Variants in VAPA observed in about 807,000 individuals in gnomAD.
VAPA encodes VAMP associated protein A, also known as vesicle-associated membrane protein-associated protein A.
Under a neutral mutation model 25.6 loss-of-function variants are expected in VAPA, and 6 were observed. That is an observed-to-expected ratio of 0.23 (90% CI 0.13 to 0.46). The LOEUF (loss-of-function observed/expected upper bound fraction) is 0.46. Ranked by LOEUF, VAPA falls within the 20% of genes least tolerant of loss-of-function variation. The pLI is 0.99. For missense variants in VAPA, 244 were observed against 302.1 expected (o/e 0.81, Z 1.43); for synonymous variants, 112 against 106.2 (o/e 1.05, Z -0.34).
intron 4 of VAPA, among the ~76,000 whole-genome samples, chr18:9,945,303 T>C (rs1187357733): frequency 6.6e-6 from 1 of 151,034 alleles, no homozygotes; most frequent in African/African-American, 2.4e-5. Flanking sequence ...AGTGTGAACA[T>C]TATGAAGTTG....
intron 4 of VAPA, among the ~76,000 whole-genome samples, chr18:9,945,429 A>T (rs1882199327): frequency 8.1e-6 from 1 of 123,482 alleles, no homozygotes; most frequent in Admixed American, 1.2e-4. Flanking sequence ...GCACAATTTC[A>T]GCTCACTGCA....
chr18:9,927,801 G>A (rs2069214356), intron 1 of VAPA, among the ~76,000 whole-genome samples: 1 of 152,056 alleles, frequency 6.6e-6, no homozygotes, highest in Admixed American at 6.6e-5. Flanking sequence ...TTACATTTCT[G>A]TTTGATTGTA....
chr18:9,924,473 T>G (rs1312575072), intron 1 of VAPA, among the ~76,000 whole-genome samples: 1 of 152,222 alleles, frequency 6.6e-6, no homozygotes, highest in African/African-American at 2.4e-5. Flanking sequence ...CAAATCAAAG[T>G]GTTCCACTTC....
intron 4 of VAPA, among the ~76,000 whole-genome samples, chr18:9,946,331 G>T (rs1803968539): frequency 2.0e-5 from 3 of 151,728 alleles, no homozygotes; most frequent in Middle Eastern, 3.4e-3. Context: ...TACTACAATG[G>T]TAAGTATTTG....
Position 9,958,110 on chromosome 18 carries a change from C to G in VAPA, c.*3899C>G, listed in dbSNP as rs1456647027. 1.3e-5 allele frequency: 2 copies of G among 152,228 alleles called. No individual in the cohort carries two copies. Among genetic ancestry groups the G allele is most frequent in the African/African-American group, 2.4e-5 (1 of 41,450 alleles). 9.4% of individuals were successfully genotyped at this position (152,228 alleles called of 1,614,324 possible). ...TTCTGCCTTTCAGCAGCATCAATTG[C>G]TAGGAACATTTCATTCATTTCCCTG... On this transcript the variant is annotated 3_prime_UTR_variant, in exon 6 of 6. Transcript: ENST00000400000.
chr18:9,943,417 A>T (rs1277163706), intron 4 of VAPA, among the ~76,000 whole-genome samples: 1 of 152,178 alleles, frequency 6.6e-6, no homozygotes, highest in Non-Finnish European at 1.5e-5. Flanking sequence ...AAGATGTGTC[A>T]TTACCCTAGT....
At chr18:9,933,068 G>A (rs1335728477) in intron 2 of VAPA, among the ~76,000 whole-genome samples, 2 of 150,330 alleles carry the variant, frequency 1.3e-5, no homozygotes, top group Admixed American at 6.6e-5. Context: ...GACTGCACGA[G>A]TAAGACTCCG....
At chr18:9,939,182 T>C (rs1394248896) in intron 4 of VAPA, among the ~76,000 whole-genome samples, 1 of 151,688 alleles carries the variant, frequency 6.6e-6, no homozygotes, top group East Asian at 1.9e-4. Flanking sequence ...TCTTTTTTTT[T>C]TTTTTTTGAG....
chr18:9,951,906 G>A (rs2069494065), intron 5 of VAPA, among the ~76,000 whole-genome samples: 1 of 152,178 alleles, frequency 6.6e-6, no homozygotes, highest in South Asian at 2.1e-4. Flanking sequence ...GTACCCGTCT[G>A]CTTCCAAGCA....
rs1459463162 is a variant in VAPA, at chr18:9,956,100, T to G, written c.*1889T>G. 6.6e-6 allele frequency: 1 copy of G among 152,200 alleles called. No homozygotes were observed. Among genetic ancestry groups the G allele is most frequent in the African/African-American group, 2.4e-5 (1 of 41,450 alleles). The allele number at this position is 152,200 out of a possible 1,614,324, so 9.4% of individuals were successfully genotyped here. A position where few individuals can be genotyped will look rare whatever the true frequency, so the allele number is the denominator to read the frequency against. ...GAAAATTTAGCCAAATCCCGTTTTA[T>G]GGGAATGCTCTTTAGAATTCATTTT... On this transcript the variant is annotated 3_prime_UTR_variant, in exon 6 of 6. Coordinates refer to ENST00000400000, the MANE Select transcript of VAPA (RefSeq NM_194434.3).
chr18:9,925,355 T>C (rs1333176163), intron 1 of VAPA, among the ~76,000 whole-genome samples: 1 of 152,108 alleles, frequency 6.6e-6, no homozygotes, highest in Non-Finnish European at 1.5e-5. Context: ...TTAAATAAAA[T>C]AGTGCAGTCT....
At chr18:9,921,500 G>T (rs117445781) in intron 1 of VAPA, among the ~76,000 whole-genome samples, 1 of 152,288 alleles carries the variant, frequency 6.6e-6, no homozygotes, top group East Asian at 1.9e-4. Flanking sequence ...CCTTTAAAAA[G>T]ATTTCATTGT....
At chr18:9,943,961 C>T (rs1177331703) in intron 4 of VAPA, among the ~76,000 whole-genome samples, 27 of 146,348 alleles carry the variant, frequency 1.8e-4, no homozygotes, top group African/African-American at 5.5e-4. Context: ...CCCGGGTTCA[C>T]GCCGTTCTCC....
At chr18:9,951,511 A>G (rs2069490098) in intron 5 of VAPA, among the ~76,000 whole-genome samples, 1 of 152,218 alleles carries the variant, frequency 6.6e-6, no homozygotes, top group Non-Finnish European at 1.5e-5. Flanking sequence ...CATTCACCAT[A>G]CATGCATGTG....
chr18:9,952,803 G>A (rs2069504259), intron 5 of VAPA, among the ~76,000 whole-genome samples: 1 of 152,128 alleles, frequency 6.6e-6, no homozygotes, highest in Non-Finnish European at 1.5e-5. Flanking sequence ...CACAATCACA[G>A]GAGTATTAAA....
intron 2 of VAPA, among the ~76,000 whole-genome samples, 174 bp from the exon 3 acceptor site, chr18:9,935,935 AC>A (rs2069305277): frequency 6.6e-6 from 1 of 152,080 alleles, no homozygotes; most frequent in South Asian, 2.1e-4. Context: ...GGTTTCTTGA[AC>A]CCTTCTTGGT....
chr18:9,951,723 C>CT (rs1218261998), intron 5 of VAPA, among the ~76,000 whole-genome samples: 1 of 152,176 alleles, frequency 6.6e-6, no homozygotes, highest in Non-Finnish European at 1.5e-5. Flanking sequence ...CTAAAATAAG[C>CT]TAAATGATGG....
At chr18:9,914,443 C>T in intron 1 of VAPA, 108 bp downstream of exon 1, 2 of 947,402 alleles carry the variant, frequency 2.1e-6, no homozygotes, top group Non-Finnish European at 2.9e-6. Flanking sequence ...GGGAGCGCCC[C>T]CTCCCCCACG....
intron 2 of VAPA, 60 bp from the exon 3 acceptor site, chr18:9,936,050 C>G (rs1599107691): frequency 8.3e-7 from 1 of 1,203,268 alleles, no homozygotes; most frequent in Non-Finnish European, 1.2e-6. Context: ...GTAACTGTTT[C>G]AATGTATGTC....
Sources: gnomAD v4.1 joint callset for allele counts (sites outside exome capture counted in the v4.1 genomes callset) on GRCh38, gnomAD v4.1.1 for gene constraint, MANE v1.5 for transcripts, NCBI Gene and HGNC (gene_info 2026-07-23, HGNC 2026-07-21) for gene names.